LAMC1: variants seen among roughly 807,000 people sequenced by gnomAD.
LAMC1 encodes laminin subunit gamma-1.
In LAMC1, 38 loss-of-function variants were observed where a neutral mutation model predicts 173.6. The observed-to-expected ratio is 0.22, with a 90% CI of 0.17 to 0.29. The LOEUF (loss-of-function observed/expected upper bound fraction) is 0.29, where lower values mean the gene tolerates loss of function less well. Among genes scored for constraint, LAMC1 ranks in the 10% least tolerant of loss-of-function variants. The probability of loss-of-function intolerance (pLI) is 1.00; values close to 1 mark genes in which losing one functional copy is unlikely to be tolerated. For synonymous variants in LAMC1, 746 were observed against 749.1 expected (o/e 1.00, Z 0.07); for missense variants, 1,824 against 2,051.8 (o/e 0.89, Z 2.14).
rs750831049 is a variant in LAMC1 at position 183,110,672 on chromosome 1, TCA to T, written c.1021+19_1021+20del. ...ATGCCTGCGTGAGTGCCCCATGACG[TCA>T]GTCTGTCAGTTGTCTTAAGGACTTC... On this transcript the variant is annotated intron_variant, in intron 4 of 27. Transcript: ENST00000258341. The T allele has an allele frequency of 1.2e-6, 2 of 1,611,276 alleles. No individual in the cohort carries two copies. The highest frequency in any genetic ancestry group is 2.2e-5 in the South Asian group (2 of 90,652).
intron 1 of LAMC1, among the ~76,000 whole-genome samples, chr1:183,050,891 CAAAAAAAA>C (rs779377179): frequency 3.7e-5 from 2 of 54,732 alleles, no homozygotes; most frequent in Non-Finnish European, 7.7e-5. Flanking sequence ...AACTCCATCT[CAAAAAAAA>C]AAAAAAAAAA....
At chr1:183,123,621 C>A (rs1328451539) in intron 13 of LAMC1, among the ~76,000 whole-genome samples, 1 of 152,178 alleles carries the variant, frequency 6.6e-6, no homozygotes, top group African/African-American at 2.4e-5. Flanking sequence ...TCCCTACCCA[C>A]CAATATAAAG....
At chr1:183,129,309 C>T (rs931013558) in intron 18 of LAMC1, among the ~76,000 whole-genome samples, 3 of 151,998 alleles carry the variant, frequency 2.0e-5, no homozygotes, top group East Asian at 3.9e-4. Context: ...AGGATGGTCT[C>T]GATCTCCTGA....
chr1:183,033,895 C>T (rs967459687), intron 1 of LAMC1, among the ~76,000 whole-genome samples: 2 of 152,044 alleles, frequency 1.3e-5, no homozygotes, highest in African/African-American at 4.8e-5. Context: ...GATCGGGTTT[C>T]ACCATGTTGG....
chr1:183,090,052 A>G (rs538103083), intron 1 of LAMC1, among the ~76,000 whole-genome samples: 9 of 152,330 alleles, frequency 5.9e-5, no homozygotes, highest in Admixed American at 3.3e-4. Context: ...GAAACAGTCA[A>G]TCTGCTTTTT....
chr1:183,056,987 A>G (rs1363676069), intron 1 of LAMC1, among the ~76,000 whole-genome samples: 2 of 152,246 alleles, frequency 1.3e-5, no homozygotes, highest in Non-Finnish European at 2.9e-5. Flanking sequence ...ATAAACATAC[A>G]TTTACTAAGC....
In LAMC1 at chr1:183,085,317, T is replaced by G. The variant is rs527547873; in HGVS notation, c.419-18011T>G. On this transcript the variant is annotated intron_variant, in intron 1 of 27. Coordinates refer to ENST00000258341, the MANE Select transcript of LAMC1 (RefSeq NM_002293.4). ...AGTACACCCTGCTCTGTGTTGCTCC[T>G]TGACTGGTGGTTTCACTGAATTGTC... Among the ~76,000 whole-genome samples, 25 of 152,302 alleles carry G rather than the reference T, an allele frequency of 1.6e-4. No homozygotes were observed. The East Asian group carries it at 4.4e-3, about 27-fold the overall frequency.
chr1:183,115,559 G>T lies in LAMC1; in HGVS notation c.1250G>T (p.Ser417Ile). ...STQCDSYGRCSCKPGVMGDKC... is the reference protein window; with the variant it reads ...STQCDSYGRCICKPGVMGDKC... ...CAGTGTGATAGTTACGGCAGATGCA[G>T]CTGTAAGCCAGGAGTGATGGGGGAC... is the stretch of plus-strand genomic sequence containing the variant. Residue 417 changes from serine to isoleucine, a missense_variant, in exon 6 of 28, where the codon AGC becomes ATC. By Grantham distance (142) the Ser-to-Ile change is moderately radical. Transcript: ENST00000258341. 1 of 1,614,076 alleles carries T rather than the reference G, an allele frequency of 6.2e-7. No homozygotes were observed. Among genetic ancestry groups the T allele is most frequent in the Non-Finnish European group, 8.5e-7 (1 of 1,179,954 alleles).
In LAMC1 at chr1:183,136,585, G is replaced by T. The variant is rs1160030195; in HGVS notation, c.4314G>T (p.Lys1438Asn). ...EAERIASAVQ[K>N]NATSTKAEAE... ...AGAGGATCGCGAGCGCTGTCCAAAAGGTGTGCGTTTCCTCTTCTCCAAGAG... is the reference window on the plus strand; with the variant it reads ...AGAGGATCGCGAGCGCTGTCCAAAATGTGTGCGTTTCCTCTTCTCCAAGAG... Residue 1438 changes from lysine (K) to asparagine (N), a missense_variant and splice_region_variant, in exon 25 of 28, where the codon AAG becomes AAT. By Grantham distance (94) the Lys-to-Asn change is moderately conservative. Transcript: ENST00000258341. The T allele has an allele frequency of 6.3e-7, 1 of 1,593,548 alleles. No individual in the cohort carries two copies. The highest frequency in any genetic ancestry group is 8.6e-7 in the Non-Finnish European group (1 of 1,168,966).
At chr1:183,126,035 A>C in intron 15 of LAMC1, 85 bp from the exon 16 acceptor site, 3 of 1,252,658 alleles carry the variant, frequency 2.4e-6, no homozygotes, top group Non-Finnish European at 3.3e-6. Flanking sequence ...GTTACAAATT[A>C]CATCAGTGCT....
chr1:183,065,267 T>C (rs1654848491), intron 1 of LAMC1, among the ~76,000 whole-genome samples: 1 of 152,124 alleles, frequency 6.6e-6, no homozygotes, highest in Non-Finnish European at 1.5e-5. Flanking sequence ...CATGACTGTA[T>C]GTATAGCGAG....
At chr1:183,122,369 T>C in intron 13 of LAMC1, 118 bp downstream of exon 13, 1 of 925,428 alleles carries the variant, frequency 1.1e-6, no homozygotes, top group Admixed American at 2.3e-5. Flanking sequence ...GGTTATGGTT[T>C]TCCTAATAGG....
intron 1 of LAMC1, among the ~76,000 whole-genome samples, chr1:183,057,289 A>G (rs879817365): frequency 6.6e-6 from 1 of 152,192 alleles, no homozygotes; most frequent in African/African-American, 2.4e-5. Context: ...TCTGTTTCAC[A>G]GCTTTCTGGA....
At chr1:183,089,458 A>G (rs1449792993) in intron 1 of LAMC1, among the ~76,000 whole-genome samples, 1 of 152,228 alleles carries the variant, frequency 6.6e-6, no homozygotes, top group Non-Finnish European at 1.5e-5. Flanking sequence ...CCTTCACTGA[A>G]TATGCTATAT....
intron 1 of LAMC1, among the ~76,000 whole-genome samples, chr1:183,083,378 A>G (rs928887256): frequency 6.6e-6 from 1 of 152,314 alleles, no homozygotes; most frequent in Non-Finnish European, 1.5e-5. Context: ...GCTAATGTCC[A>G]GAAACAGTAA....
rs779261747 is a variant in LAMC1, at chr1:183,121,742, T to A, written c.2010T>A (p.Asp670Glu). 2 of 1,613,898 alleles carry A rather than the reference T, an allele frequency of 1.2e-6. No homozygotes were observed. The highest frequency in any genetic ancestry group is 1.7e-5 in the Admixed American group (1 of 60,006). Residue 670 changes from aspartate to glutamate, a missense_variant, in exon 12 of 28, where the codon GAT becomes GAA. Asp to Glu is a conservative substitution (Grantham distance 45). Transcript: ENST00000258341. ...ACACAGGTGCTGGATATTTGGATGA[T>A]GTCACCCTGGCAAGTGCTCGTCCTG... Reference protein sequence around the residue: ...YSERSAGYLDDVTLASARPGP... With the variant: ...YSERSAGYLDEVTLASARPGP...
chr1:183,107,056 G>A (rs1003393601), intron 2 of LAMC1, among the ~76,000 whole-genome samples: 7 of 152,286 alleles, frequency 4.6e-5, no homozygotes, highest in Non-Finnish European at 8.8e-5. Context: ...AATTAGCTCA[G>A]TGTAAGGGCT....
At position 183,132,505 on chromosome 1, in the gene LAMC1, A is replaced by G; in HGVS notation, c.3672A>G (p.Gln1224=). Residue 1224 remains glutamine, a synonymous_variant, in exon 21 of 28, where the codon CAA becomes CAG. Coordinates refer to ENST00000258341, the MANE Select transcript of LAMC1 (RefSeq NM_002293.4). ...LLLRTLAGEN[Q]TAFEIEELNR... ...TGAGGACACTGGCAGGAGAAAATCA[A>G]ACAGCATTTGAGATTGAAGAGCTTA... The G allele has an allele frequency of 1.9e-6, 3 of 1,613,994 alleles. No homozygotes were observed. The highest frequency in any genetic ancestry group is 2.5e-6 in the Non-Finnish European group (3 of 1,179,870).
chr1:183,117,966 A>G (rs1266041957), intron 10 of LAMC1, 68 bp from the exon 11 acceptor site: 1 of 956,222 alleles, frequency 1.0e-6, no homozygotes, highest in Non-Finnish European at 1.7e-6. Context: ...ATAAATGAAT[A>G]AGAAATATTT....
Sources: gnomAD v4.1 joint callset for allele counts (sites outside exome capture counted in the v4.1 genomes callset) on GRCh38, gnomAD v4.1.1 for gene constraint, MANE v1.5 for transcripts, NCBI Gene and HGNC (gene_info 2026-07-23, HGNC 2026-07-21) for gene names.